Variants in SLC24A2 observed in about 807,000 individuals in gnomAD.
SLC24A2 encodes solute carrier family 24 member 2, also known as sodium/potassium/calcium exchanger 2.
A neutral mutation model predicts 62.0 loss-of-function variants in SLC24A2; 36 were observed. The observed-to-expected ratio is 0.58, with a 90% CI of 0.44 to 0.77. SLC24A2 has a LOEUF of 0.77. Among genes scored for constraint, SLC24A2 ranks in the 30% least tolerant of loss-of-function variants. The pLI, the probability that SLC24A2 is intolerant of heterozygous loss-of-function variation, is 0.00. For missense variants in SLC24A2, 846 were observed against 817.9 expected, an observed-to-expected ratio of 1.03 and a Z score of -0.42; for synonymous variants, 358 against 294.0, an observed-to-expected ratio of 1.22 and a Z score of -2.23.
chr9:20,118,050 T>C, the SLC24A2 span, among the ~76,000 whole-genome samples: 20 of 152,084 alleles, frequency 1.3e-4, no homozygotes, highest in African/African-American at 4.8e-4. Flanking sequence ...TATTACTCCA[T>C]TATAGAAGGA....
intron 1 of SLC24A2, 32 bp from the exon 2 acceptor site, chr9:19,787,051 A>G: frequency 1.5e-6 from 2 of 1,348,970 alleles, no homozygotes; most frequent in South Asian, 3.8e-5. Flanking sequence ...GAATAAGTAA[A>G]TCATAAAATC....
chr9:19,957,535 G>T, the SLC24A2 span: 1 of 152,270 alleles, frequency 6.6e-6, no homozygotes, highest in South Asian at 2.1e-4. Context: ...GTTCCACTGG[G>T]AAGGGCCACT....
chr9:19,807,080 A>G, the SLC24A2 span, among the ~76,000 whole-genome samples: 1 of 152,234 alleles, frequency 6.6e-6, no homozygotes, highest in African/African-American at 2.4e-5. Context: ...TACATCTTAT[A>G]TCTCATTTGA....
At chr9:20,184,841 A>G in the SLC24A2 span, among the ~76,000 whole-genome samples, 1 of 152,286 alleles carries the variant, frequency 6.6e-6, no homozygotes, top group East Asian at 1.9e-4. Context: ...TAGTTAAGAC[A>G]TGGAATCAAC....
the SLC24A2 span, among the ~76,000 whole-genome samples, chr9:20,292,335 T>A: frequency 6.6e-6 from 1 of 152,130 alleles, no homozygotes; most frequent in African/African-American, 2.4e-5. Flanking sequence ...TCGTTTTAAG[T>A]ATAAGATTTT....
chr9:19,636,315 T>TTTTCTTTTCTTTTCTTTTTC, intron 2 of SLC24A2, among the ~76,000 whole-genome samples: 1 of 40,328 alleles, frequency 2.5e-5, no homozygotes, highest in Non-Finnish European at 4.7e-5. Flanking sequence ...TTTTCTTTTC[T>TTTTCTTTTCTTTTCTTTTTC]TTTCTTTCTT....
chr9:20,271,256 A>G, the SLC24A2 span, among the ~76,000 whole-genome samples: 1 of 152,114 alleles, frequency 6.6e-6, no homozygotes, highest in Non-Finnish European at 1.5e-5. Context: ...AGATCATTAA[A>G]CTGTCCCCCA....
At chr9:19,857,660 T>C in the SLC24A2 span, among the ~76,000 whole-genome samples, 1 of 152,234 alleles carries the variant, frequency 6.6e-6, no homozygotes, top group African/African-American at 2.4e-5. Flanking sequence ...AATTTTCAGA[T>C]TGTTGCTAGT....
the SLC24A2 span, among the ~76,000 whole-genome samples, chr9:20,145,770 T>C: frequency 1.3e-5 from 2 of 151,942 alleles, no homozygotes; most frequent in African/African-American, 4.8e-5. Context: ...AAATTTGATA[T>C]ACAAGCACAT....
intron 8 of SLC24A2, among the ~76,000 whole-genome samples, chr9:19,536,963 C>T (rs1586913621): frequency 1.5e-5 from 2 of 131,048 alleles, no homozygotes; most frequent in African/African-American, 5.9e-5. Context: ...TGATGATGAG[C>T]ATTTTTTCAT....
chr9:20,110,835 C>T, the SLC24A2 span, among the ~76,000 whole-genome samples: 2 of 152,180 alleles, frequency 1.3e-5, no homozygotes, highest in African/African-American at 4.8e-5. Flanking sequence ...AAACACAATA[C>T]TATATTTCAC....
At chr9:19,601,729 T>C (rs1306670787) in intron 4 of SLC24A2, among the ~76,000 whole-genome samples, 1 of 152,160 alleles carries the variant, frequency 6.6e-6, no homozygotes, top group African/African-American at 2.4e-5. Flanking sequence ...TTTGGAGCCT[T>C]ACAGACCTTG....
At chr9:19,899,371 A>G in the SLC24A2 span, among the ~76,000 whole-genome samples, 1 of 152,234 alleles carries the variant, frequency 6.6e-6, no homozygotes, top group East Asian at 1.9e-4. Context: ...AATTCTGGCC[A>G]ACATGAGTCT....
chr9:19,627,183 C>T (rs777247862), intron 2 of SLC24A2, among the ~76,000 whole-genome samples: 41 of 152,060 alleles, frequency 2.7e-4, no homozygotes, highest in Non-Finnish European at 5.6e-4. Flanking sequence ...CTTTACAATC[C>T]GGTTTAAAGA....
chr9:19,977,869 C>G, the SLC24A2 span, among the ~76,000 whole-genome samples: 1 of 152,268 alleles, frequency 6.6e-6, no homozygotes, highest in East Asian at 1.9e-4. Context: ...CCCAGCCCCA[C>G]AGAATAGTCG....
the SLC24A2 span, among the ~76,000 whole-genome samples, chr9:20,295,199 TAATCTCTAAAATCCCC>T: frequency 6.6e-6 from 1 of 152,128 alleles, no homozygotes. Flanking sequence ...CTAAAATCCC[TAATCTCTAAAATCCCC>T]AAAATCACAA....
chr9:19,636,317 T>TC (rs1818330784), intron 2 of SLC24A2, among the ~76,000 whole-genome samples: 5 of 10,720 alleles, frequency 4.7e-4, no homozygotes, highest in African/African-American at 1.2e-3. Flanking sequence ...TTCTTTTCTT[T>TC]TCTTTCTTTC....
At chr9:20,102,714 C>A in the SLC24A2 span, among the ~76,000 whole-genome samples, 8 of 150,998 alleles carry the variant, frequency 5.3e-5, no homozygotes, top group African/African-American at 1.9e-4. Flanking sequence ...ATAAGACTGG[C>A]AGCCAAGATG....
chr9:20,105,110 C>A, the SLC24A2 span, among the ~76,000 whole-genome samples: 3 of 152,176 alleles, frequency 2.0e-5, no homozygotes, highest in African/African-American at 7.2e-5. Flanking sequence ...AAGGCCATTA[C>A]ATAATGGTAA....
Sources: gnomAD v4.1 joint callset for allele counts (sites outside exome capture counted in the v4.1 genomes callset) on GRCh38, gnomAD v4.1.1 for gene constraint, MANE v1.5 for transcripts, NCBI Gene and HGNC (gene_info 2026-07-23, HGNC 2026-07-21) for gene names.